Variants in SPO11 observed in about 807,000 individuals in gnomAD.
The protein encoded by SPO11 is meiotic recombination protein SPO11.
Under a neutral mutation model 51.6 loss-of-function variants are expected in SPO11, and 49 were observed. The ratio of observed to expected loss-of-function variants is 0.95; its 90% CI spans 0.75 to 1.20. The LOEUF (loss-of-function observed/expected upper bound fraction) is 1.20. Among genes scored for constraint, SPO11 ranks in the 50% most tolerant of loss-of-function variants. The pLI is 0.00. For synonymous variants in SPO11, 176 were observed against 158.2 expected (o/e 1.11, Z -0.84); for missense variants, 431 against 473.4 (o/e 0.91, Z 0.83).
rs781628705 is a variant in SPO11, at chr20:57,335,854, C to CA, written c.691_692insA (p.Arg231GlnfsTer5). The CA allele has an allele frequency of 1.2e-6, 2 of 1,613,090 alleles. No individual in the cohort carries two copies. Among genetic ancestry groups the CA allele is most frequent in the Non-Finnish European group, 8.5e-7 (1 of 1,179,476 alleles). On this transcript the variant is annotated frameshift_variant, in exon 8 of 13. Coordinates refer to ENST00000371263, the MANE Select transcript of SPO11 (RefSeq NM_012444.3). LOFTEE classifies it high-confidence loss of function. ...TGTAGAAAAAGATGCAACATTTCAG[C>CA]GGCTCCTAGATGACAACTTTTGCAA... is the stretch of plus-strand genomic sequence containing the variant.
At chr20:57,331,968 T>C in intron 2 of SPO11, 22 bp downstream of exon 2, 1 of 1,371,178 alleles carries the variant, frequency 7.3e-7, no homozygotes, top group Non-Finnish European at 1.0e-6. Context: ...GCATTTTTAT[T>C]TTTTAAATGC....
chr20:57,340,714 C>A (rs2066571362), intron 11 of SPO11, among the ~76,000 whole-genome samples: 1 of 151,980 alleles, frequency 6.6e-6, no homozygotes, highest in Non-Finnish European at 1.5e-5. Flanking sequence ...TTGCAGTGAG[C>A]CACGATCGCA....
intron 3 of SPO11, 92 bp from the exon 4 acceptor site, chr20:57,333,595 A>C: frequency 1.3e-6 from 1 of 756,872 alleles, no homozygotes; most frequent in South Asian, 1.6e-5. Flanking sequence ...TTTAAATGTT[A>C]ACTAAAATTA....
At chr20:57,330,600 A>C (rs990057523) in intron 1 of SPO11, among the ~76,000 whole-genome samples, 4 of 152,230 alleles carry the variant, frequency 2.6e-5, no homozygotes, top group Admixed American at 1.3e-4. Context: ...TATCCATGTT[A>C]GAATTAACCA....
chr20:57,329,825 C>G lies in SPO11; in HGVS notation c.-43C>G, dbSNP rs1292727927. On this transcript the variant is annotated 5_prime_UTR_variant, in exon 1 of 13. Coordinates refer to ENST00000371263, the MANE Select transcript of SPO11 (RefSeq NM_012444.3). ...CGCAGCCACGCCCCAAGGGCGCAGC[C>G]TAGGACAGGGGCTTCTGGAGCTTCT... 1.9e-6 allele frequency: 3 copies of G among 1,591,964 alleles called. No homozygotes were observed. Among genetic ancestry groups the G allele is most frequent in the Non-Finnish European group, 2.6e-6 (3 of 1,167,874 alleles).
chr20:57,340,641 C>T (rs972658338), intron 11 of SPO11, among the ~76,000 whole-genome samples: 1 of 151,984 alleles, frequency 6.6e-6, no homozygotes, highest in Non-Finnish European at 1.5e-5. Flanking sequence ...GTGGTGTATG[C>T]CTGTAATCCC....
In SPO11 at chr20:57,329,901, T is replaced by TTC; in HGVS notation, c.36_37dup (p.Phe13SerfsTer16). On this transcript the variant is annotated frameshift_variant, in exon 1 of 13. Coordinates refer to ENST00000371263, the MANE Select transcript of SPO11 (RefSeq NM_012444.3). LOFTEE classifies it high-confidence loss of function. ...TGCACCTATGGGGCCCGAGGCCTCG[T>TTC]TCTTCGACGTTTTGGACCGACACAG... 1 of 1,613,856 alleles carries TTC rather than the reference T, an allele frequency of 6.2e-7. No individual in the cohort carries two copies. The highest frequency in any genetic ancestry group is 1.3e-5 in the African/African-American group (1 of 75,068).
At chr20:57,331,745 T>G in intron 1 of SPO11, 88 bp from the exon 2 acceptor site, 1 of 616,016 alleles carries the variant, frequency 1.6e-6, no homozygotes, top group Non-Finnish European at 2.7e-6. Context: ...AATAAAAAGT[T>G]ACTTTAGTAT....
chr20:57,332,703 G>A (rs2066464495), intron 2 of SPO11, among the ~76,000 whole-genome samples: 1 of 152,200 alleles, frequency 6.6e-6, no homozygotes, highest in Admixed American at 6.5e-5. Flanking sequence ...ACCTTTAGGG[G>A]AAGCTTGGCA....
chr20:57,330,472 G>A (rs1376300080), intron 1 of SPO11, among the ~76,000 whole-genome samples: 2 of 151,926 alleles, frequency 1.3e-5, no homozygotes, highest in South Asian at 4.1e-4. Flanking sequence ...AATTAACAAG[G>A]ACATCAACAC....
In SPO11 at chr20:57,333,118, A is replaced by G. The variant is rs368885746; in HGVS notation, c.246-70A>G. 8.1e-5 allele frequency: 89 copies of G among 1,103,484 alleles called. No homozygotes were observed. The African/African-American group carries it at 1.2e-3, about 15-fold the overall frequency. 68.4% of individuals were successfully genotyped at this position (1,103,484 alleles called of 1,614,324 possible). ...TTTTAAATGATGTGCAGAAGACCAT[A>G]AGTATATATTGTTTGGTGTTTAGAA... On this transcript the variant is annotated intron_variant, in intron 2 of 12. Transcript: ENST00000371263.
At chr20:57,337,663 A>G (rs2066528492) in intron 8 of SPO11, 7 of 934,492 alleles carry the variant, frequency 7.5e-6, no homozygotes, top group Non-Finnish European at 1.0e-5. Context: ...ATATTTCCTT[A>G]GGACCATTTC....
intron 1 of SPO11, among the ~76,000 whole-genome samples, chr20:57,330,500 A>G (rs951578165): frequency 1.2e-4 from 18 of 152,176 alleles, no homozygotes; most frequent in African/African-American, 4.3e-4. Context: ...GTGGTTTATA[A>G]TAAGACAACA....
intron 11 of SPO11, among the ~76,000 whole-genome samples, chr20:57,341,735 G>C (rs1568764599): frequency 6.6e-6 from 1 of 152,160 alleles, no homozygotes; most frequent in Non-Finnish European, 1.5e-5. Flanking sequence ...AATCCCTTGG[G>C]GGTGATCTGT....
Position 57,329,903 on chromosome 20 carries a change from C to A in SPO11, c.36C>A (p.Phe12Leu). 1 of 1,613,890 alleles carries A rather than the reference C, an allele frequency of 6.2e-7. No individual in the cohort carries two copies. ...CACCTATGGGGCCCGAGGCCTCGTTCTTCGACGTTTTGGACCGACACAGGG... is the reference window on the plus strand; with the variant it reads ...CACCTATGGGGCCCGAGGCCTCGTTATTCGACGTTTTGGACCGACACAGGG... ...AFAPMGPEAS[F>L]FDVLDRHRES... Residue 12 changes from phenylalanine to leucine, a missense_variant, in exon 1 of 13, where the codon TTC becomes TTA. Phe to Leu is a conservative substitution (Grantham distance 22). Coordinates refer to ENST00000371263, the MANE Select transcript of SPO11 (RefSeq NM_012444.3).
chr20:57,330,133 G>A, intron 1 of SPO11, 135 bp downstream of exon 1: 9 of 1,283,322 alleles, frequency 7.0e-6, no homozygotes, highest in Non-Finnish European at 9.3e-6. Context: ...CCCCCAAAAA[G>A]ATCCTTCCTG....
intron 6 of SPO11, 139 bp from the exon 7 acceptor site, chr20:57,335,280 T>C (rs2066498075): frequency 4.3e-6 from 3 of 693,986 alleles, no homozygotes; most frequent in Non-Finnish European, 7.1e-6. Flanking sequence ...GTAAAGCTGT[T>C]TTCTACTATT....
At position 57,334,045 on chromosome 20, in the gene SPO11, ATC is replaced by A; in HGVS notation, c.461_462del (p.Ile154LysfsTer2). ...FGNQTVVDNI[I>X]NDISCMLKVS... ...TAACCAGACTGTCGTCGACAATATT[ATC>A]AATGACATTTCTTGCATGTTAAAAG... On this transcript the variant is annotated frameshift_variant, in exon 5 of 13. Coordinates refer to ENST00000371263, the MANE Select transcript of SPO11 (RefSeq NM_012444.3). LOFTEE classifies it high-confidence loss of function. 1 of 1,592,212 alleles carries A rather than the reference ATC, an allele frequency of 6.3e-7. No homozygotes were observed. The highest frequency in any genetic ancestry group is 2.2e-5 in the East Asian group (1 of 44,522).
At chr20:57,333,823 A>G (rs192050224) in intron 4 of SPO11, 70 bp downstream of exon 4, 33 of 1,059,718 alleles carry the variant, frequency 3.1e-5, no homozygotes, top group African/African-American at 2.4e-4. Flanking sequence ...AACTTTTATT[A>G]TATGCTTTGA....
Sources: gnomAD v4.1 joint callset for allele counts (sites outside exome capture counted in the v4.1 genomes callset) on GRCh38, gnomAD v4.1.1 for gene constraint, MANE v1.5 for transcripts, NCBI Gene and HGNC (gene_info 2026-07-23, HGNC 2026-07-21) for gene names.